The following NISCH variants were observed in gnomAD, a reference collection of about 807,000 sequenced individuals.
NISCH encodes the protein I-1 receptor candidate protein.
NISCH carries 55 observed loss-of-function variants against 138.4 expected under a neutral mutation model. The observed-to-expected ratio is 0.40, with a 90% CI of 0.32 to 0.50. The LOEUF is 0.50. Ranked by LOEUF, NISCH falls within the 20% of genes least tolerant of loss-of-function variation. The pLI, the probability that NISCH is intolerant of heterozygous loss-of-function variation, is 0.71. For missense variants in NISCH, 1,643 were observed against 2,005.5 expected (o/e 0.82, Z 3.45); for synonymous variants, 860 against 861.5 (o/e 1.00, Z 0.03).
intron 13 of NISCH, among the ~76,000 whole-genome samples, chr3:52,483,122 AG>A (rs1438184635): frequency 1.3e-5 from 2 of 152,210 alleles, no homozygotes; most frequent in Non-Finnish European, 2.9e-5. Context: ...GTGGCCCATC[AG>A]GGTGCTTCAT....
At chr3:52,484,280 C>G in intron 13 of NISCH, 2 of 469,994 alleles carry the variant, frequency 4.3e-6, no homozygotes, top group Non-Finnish European at 7.6e-6. Context: ...TGCATTTATT[C>G]TCAGAATGCT....
chr3:52,462,550 A>G (rs191871546), intron 3 of NISCH, among the ~76,000 whole-genome samples: 98 of 152,326 alleles, frequency 6.4e-4, no homozygotes, highest in African/African-American at 2.1e-3. Flanking sequence ...CCTCTCTGAA[A>G]TTGTTCCACA....
chr3:52,457,457 T>G (rs1056731295), intron 1 of NISCH, among the ~76,000 whole-genome samples: 1 of 152,210 alleles, frequency 6.6e-6, no homozygotes, highest in Non-Finnish European at 1.5e-5. Context: ...TCTGCCTCCC[T>G]TGGAAGAAAT....
intron 8 of NISCH, among the ~76,000 whole-genome samples, chr3:52,476,862 C>T (rs1051028791): frequency 1.3e-5 from 2 of 152,068 alleles, no homozygotes; most frequent in Non-Finnish European, 2.9e-5. Context: ...GGTGAAACCC[C>T]ATCTCTACTA....
chr3:52,492,033 G>A lies in NISCH; in HGVS notation c.4066G>A (p.Val1356Met), dbSNP rs1490706162. Residue 1356 changes from valine to methionine, a missense_variant, in exon 21 of 21, where the codon GTG (valine) becomes ATG (methionine). Val to Met is a conservative substitution (Grantham distance 21). Coordinates refer to ENST00000345716, the MANE Select transcript of NISCH (RefSeq NM_007184.4). The part of the protein sequence containing the change: ...SILLYVQAFQ[V>M]GMPPPGCCRG... Reference sequence around the variant, plus strand: ...CCTGCTGTACGTGCAGGCCTTCCAGGTGGGCATGCCACCCCCTGGGTGCTG... The same window carrying A: ...CCTGCTGTACGTGCAGGCCTTCCAGATGGGCATGCCACCCCCTGGGTGCTG... The A allele has an allele frequency of 5.6e-6, 9 of 1,613,062 alleles. No homozygotes were observed. Among genetic ancestry groups the A allele is most frequent in the Non-Finnish European group, 7.6e-6 (9 of 1,179,962 alleles).
At position 52,476,541 on chromosome 3, in the gene NISCH, A is replaced by G; in HGVS notation, c.860A>G (p.Gln287Arg). The change falls in exon 8 of 21, where the codon CAG becomes CGG. Residue 287 changes from glutamine to arginine, a missense_variant. Gln to Arg is a conservative substitution (Grantham distance 43, BLOSUM62 1). Transcript: ENST00000345716. ...GPVTAVIPTW[Q>R]ALTTLDLSHN... ...GTGACTGCCGTCATCCCCACTTGGCAGGCATTGACCACGCTTGACCTGAGC... is the reference window on the plus strand; with the variant it reads ...GTGACTGCCGTCATCCCCACTTGGCGGGCATTGACCACGCTTGACCTGAGC... The G allele has an allele frequency of 1.2e-6, 2 of 1,614,152 alleles. No individual in the cohort carries two copies. Among genetic ancestry groups the G allele is most frequent in the Non-Finnish European group, 1.7e-6 (2 of 1,180,002 alleles).
At position 52,492,166 on chromosome 3, in the gene NISCH, C is replaced by T. The variant is rs1470514658; in HGVS notation, c.4199C>T (p.Pro1400Leu). 1.2e-6 allele frequency: 2 copies of T among 1,613,144 alleles called. No homozygotes were observed. The highest frequency in any genetic ancestry group is 1.1e-5 in the South Asian group (1 of 91,084). Residue 1400 changes from proline (P) to leucine (L), a missense_variant, in exon 21 of 21, where the codon CCG (proline) becomes CTG (leucine). Pro to Leu is a moderately conservative substitution (Grantham distance 98, BLOSUM62 -3). Transcript: ENST00000345716. ...CTGCCCGAGTTTGCCAAAGAGCCGC[C>T]GCAGAGAGACAGGTACCGGCTGGAC... Reference protein sequence around the residue: ...YPLPEFAKEPPQRDRYRLDDG... With the variant: ...YPLPEFAKEPLQRDRYRLDDG...
intron 10 of NISCH, 32 bp from the exon 11 acceptor site, chr3:52,478,417 G>A (rs1351825148): frequency 1.2e-6 from 2 of 1,613,724 alleles, no homozygotes; most frequent in Non-Finnish European, 1.7e-6. Context: ...TTAAGAGAAG[G>A]GACCAAAGGG....
At position 52,461,524 on chromosome 3, in the gene NISCH, T is replaced by G. The variant is rs563538484; in HGVS notation, c.360+2680T>G. On this transcript the variant is annotated intron_variant, in intron 3 of 20. Transcript: ENST00000345716. ...TGTGAGAAAAAATTTGCATTCCTTATGCAAGTCTTTCAGATAAACTTTACT... is the reference window on the plus strand; with the variant it reads ...TGTGAGAAAAAATTTGCATTCCTTAGGCAAGTCTTTCAGATAAACTTTACT... Among the ~76,000 whole-genome samples the G allele has an allele frequency of 4.6e-5, 7 of 152,350 alleles. No homozygotes were observed. In the East Asian group the frequency reaches 1.3e-3, roughly 29 times the overall value.
rs376809673 is a variant in NISCH, at chr3:52,471,163, T to C, written c.409+256T>C. 1.1e-4 allele frequency: 58 copies of C among 547,272 alleles called. No individual in the cohort carries two copies. In the African/African-American group the frequency reaches 1.1e-3, roughly 10 times the overall value. The allele number at this position is 547,272 out of a possible 1,614,324, so 33.9% of individuals were successfully genotyped here. On this transcript the variant is annotated intron_variant, in intron 4 of 20. Coordinates refer to ENST00000345716, the MANE Select transcript of NISCH (RefSeq NM_007184.4). Reference sequence around the variant, plus strand: ...ACACTGCTCCCTCGCACCTGGTTTGTGCTTACCTGAAAGGGCTCAGATGGC... The same window carrying C: ...ACACTGCTCCCTCGCACCTGGTTTGCGCTTACCTGAAAGGGCTCAGATGGC...
intron 17 of NISCH, 145 bp downstream of exon 17, chr3:52,489,823 C>T: frequency 7.2e-7 from 1 of 1,386,034 alleles, no homozygotes; most frequent in East Asian, 2.5e-5. Flanking sequence ...AGGACCTGGG[C>T]AGTGAGGTCC....
intron 19 of NISCH, 113 bp downstream of exon 19, chr3:52,490,946 A>G: frequency 6.9e-7 from 1 of 1,449,896 alleles, no homozygotes; most frequent in African/African-American, 1.4e-5. Context: ...TGTGCTCAAG[A>G]GCCACTTCTT....
intron 3 of NISCH, among the ~76,000 whole-genome samples, chr3:52,470,389 A>C (rs149999811): frequency 5.3e-4 from 80 of 152,314 alleles, no homozygotes; most frequent in African/African-American, 1.8e-3. Flanking sequence ...CGTGAGAGGA[A>C]GTGGAAATGG....
In NISCH at chr3:52,488,531, C is replaced by T. The variant is rs770946012; in HGVS notation, c.3039C>T (p.Ile1013=). 7.4e-6 allele frequency: 12 copies of T among 1,613,138 alleles called. No individual in the cohort carries two copies. In the East Asian group the frequency reaches 8.9e-5, roughly 12 times the overall value. ...TGCAGGACCTGAAGACTGTGGTCAT[C>T]GCCAAGACCCCCGGGACGGGAGGCA... ...ASLQDLKTVV[I]AKTPGTGGSP... Residue 1013 remains isoleucine (I), a synonymous_variant, in exon 16 of 21, where the codon ATC becomes ATT. Transcript: ENST00000345716.
intron 7 of NISCH, among the ~76,000 whole-genome samples, chr3:52,475,192 TA>T (rs762289102): frequency 0.16 from 21,602 of 135,740 alleles, 1,826 homozygotes; most frequent in African/African-American, 0.26. Flanking sequence ...CCTTGTCTCT[TA>T]AAAAAAAAAA....
chr3:52,475,685 A>T (rs1046851807), intron 7 of NISCH: 1 of 151,912 alleles, frequency 6.6e-6, no homozygotes, highest in Non-Finnish European at 1.5e-5. Flanking sequence ...ACAGAAAAAA[A>T]TTTTTTAATT....
At chr3:52,467,181 A>G (rs1283589357) in intron 3 of NISCH, among the ~76,000 whole-genome samples, 4 of 151,656 alleles carry the variant, frequency 2.6e-5, no homozygotes, top group Admixed American at 1.3e-4. Context: ...TTGTATTTTT[A>G]GTAGAGACGG....
chr3:52,472,002 G>A (rs761937156), intron 5 of NISCH, 25 bp downstream of exon 5: 8 of 1,554,302 alleles, frequency 5.1e-6, no homozygotes, highest in Non-Finnish European at 7.0e-6. Flanking sequence ...GCTCAGTCAT[G>A]GAGAGCCCCG....
intron 3 of NISCH, among the ~76,000 whole-genome samples, chr3:52,467,157 T>A (rs987959876): frequency 1.3e-5 from 2 of 151,990 alleles, no homozygotes; most frequent in Non-Finnish European, 2.9e-5. Flanking sequence ...TGTGCCACCA[T>A]GCCTGGCTAA....
Sources: gnomAD v4.1 joint callset for allele counts (sites outside exome capture counted in the v4.1 genomes callset) on GRCh38, gnomAD v4.1.1 for gene constraint, MANE v1.5 for transcripts, NCBI Gene and HGNC (gene_info 2026-07-23, HGNC 2026-07-21) for gene names.